ADAMTS2: variants seen among roughly 807,000 people sequenced by gnomAD.
The protein encoded by ADAMTS2 is A disintegrin and metalloproteinase with thrombospondin motifs 2.
A neutral mutation model predicts 123.0 loss-of-function variants in ADAMTS2; 50 were observed. That is an observed-to-expected ratio of 0.41 (90% CI 0.32 to 0.51). ADAMTS2 has a LOEUF of 0.51. ADAMTS2 is among the 20% of genes least tolerant of loss of function. ADAMTS2 has a pLI of 0.35. For missense variants in ADAMTS2, 1,494 were observed against 1,705.2 expected (o/e 0.88, Z 2.18); for synonymous variants, 678 against 695.4 (o/e 0.98, Z 0.39).
At chr5:179,331,721 C>G (rs576826009) in intron 2 of ADAMTS2, among the ~76,000 whole-genome samples, 1 of 152,250 alleles carries the variant, frequency 6.6e-6, no homozygotes, top group South Asian at 2.1e-4. Context: ...TTCTCCCTGT[C>G]GGCAGGGCTG....
intron 2 of ADAMTS2, among the ~76,000 whole-genome samples, chr5:179,311,653 T>C (rs1160262941): frequency 8.5e-5 from 13 of 152,218 alleles, no homozygotes; most frequent in Non-Finnish European, 1.8e-4. Flanking sequence ...CCTCTGGTGA[T>C]GTCTGGTCAC....
At position 179,230,541 on chromosome 5, in the gene ADAMTS2, G is replaced by C. The variant is rs74457566; in HGVS notation, c.689-22826C>G. ...AGGCACACAGAGACGGTGAGACTTG[G>C]GGATACTTGGGTCCAGTTACTGTCA... On this transcript the variant is annotated intron_variant, in intron 3 of 21. Coordinates refer to ENST00000251582, the MANE Select transcript of ADAMTS2 (RefSeq NM_014244.5). Among the ~76,000 whole-genome samples, 335 of 152,308 alleles carry C rather than the reference G, an allele frequency of 2.2e-3. 1 individual carries two copies. Among genetic ancestry groups the C allele is most frequent in the African/African-American group, 7.7e-3 (321 of 41,572 alleles).
In ADAMTS2 at chr5:179,118,107, C is replaced by T. The variant is rs576414203; in HGVS notation, c.3178+3554G>A. On this transcript the variant is annotated intron_variant, in intron 21 of 21. Coordinates refer to ENST00000251582, the MANE Select transcript of ADAMTS2 (RefSeq NM_014244.5). This position sits in a 1 kb window ranked among gnomAD's most constrained non-coding sequence, Gnocchi z 4.5. The stretch of plus-strand genomic sequence containing the variant: ...ACTTCTATGTCTGATTTTCTCCCCA[C>T]AGTGGGCGGCATTGCTCTTAGTTTA... Among the ~76,000 whole-genome samples, 13 of 152,292 alleles carry T rather than the reference C, an allele frequency of 8.5e-5. No individual in the cohort carries two copies. Among genetic ancestry groups the T allele is most frequent in the African/African-American group, 2.9e-4 (12 of 41,564 alleles).
chr5:179,249,717 G>A (rs1038726985), intron 3 of ADAMTS2, among the ~76,000 whole-genome samples: 23 of 152,128 alleles, frequency 1.5e-4, no homozygotes, highest in African/African-American at 5.1e-4. Flanking sequence ...TGGAAAATTT[G>A]TACAGATCTA....
intron 20 of ADAMTS2, among the ~76,000 whole-genome samples, chr5:179,122,331 C>CACCCCCCACTCACACAGGT (rs1762778022): frequency 1.3e-5 from 2 of 151,368 alleles, no homozygotes; most frequent in East Asian, 2.0e-4. Flanking sequence ...CTCGCACAGG[C>CACCCCCCACTCACACAGGT]GTCCCCCTAT....
Position 179,121,901 on chromosome 5 carries a change from T to A in ADAMTS2, c.3089-151A>T, listed in dbSNP as rs1348640248. On this transcript the variant is annotated intron_variant, in intron 20 of 21. Transcript: ENST00000251582. ...GGACAAAGGGTCCTCCGCTGCCAAG[T>A]CCACGCCCACCTCCTGCCCCTCCTG... The A allele has an allele frequency of 9.8e-6, 5 of 509,482 alleles. No homozygotes were observed. In the East Asian group the frequency reaches 1.3e-4, roughly 14 times the overall value. 31.6% of individuals were successfully genotyped at this position (509,482 alleles called of 1,614,324 possible).
chr5:179,240,702 C>T (rs1765644666), intron 3 of ADAMTS2, among the ~76,000 whole-genome samples: 1 of 152,244 alleles, frequency 6.6e-6, no homozygotes, highest in African/African-American at 2.4e-5. Context: ...AAATGAGTTC[C>T]CGTGACGCGT....
At position 179,162,648 on chromosome 5, in the gene ADAMTS2, C is replaced by A. The variant is rs1316718872; in HGVS notation, c.976-3769G>T. On this transcript the variant is annotated intron_variant, in intron 5 of 21. Transcript: ENST00000251582. The surrounding 1 kb of genome is among the most constrained non-coding windows in gnomAD (Gnocchi z 5.1). Reference sequence around the variant, plus strand: ...CCCAAGAGACAACAAGAGAAGGCACCTCCCCTACAGAAGCCACAGTCTGCT... The same window carrying A: ...CCCAAGAGACAACAAGAGAAGGCACATCCCCTACAGAAGCCACAGTCTGCT... 6.6e-6 allele frequency among the ~76,000 whole-genome samples: 1 copy of A among 152,192 alleles called. No individual in the cohort carries two copies. Among genetic ancestry groups the A allele is most frequent in the African/African-American group, 2.4e-5 (1 of 41,452 alleles).
In ADAMTS2 at chr5:179,231,110, C is replaced by T. The variant is rs541333291; in HGVS notation, c.689-23395G>A. On this transcript the variant is annotated intron_variant, in intron 3 of 21. Coordinates refer to ENST00000251582, the MANE Select transcript of ADAMTS2 (RefSeq NM_014244.5). ...AGTGTAATGGTACGCAGACCCCCTC[C>T]CCACATGCACACGCATTCTGAAATA... Among the ~76,000 whole-genome samples, 3 of 152,288 alleles carry T rather than the reference C, an allele frequency of 2.0e-5. No homozygotes were observed. In the South Asian group the frequency reaches 6.2e-4, roughly 32 times the overall value.
intron 2 of ADAMTS2, among the ~76,000 whole-genome samples, chr5:179,296,418 G>A (rs975573126): frequency 1.3e-5 from 2 of 152,174 alleles, no homozygotes; most frequent in Non-Finnish European, 1.5e-5. Context: ...GCAGAGGCCA[G>A]CAGTCAGGAA....
chr5:179,289,099 C>A (rs1756111283), intron 2 of ADAMTS2, among the ~76,000 whole-genome samples: 1 of 152,160 alleles, frequency 6.6e-6, no homozygotes, highest in African/African-American at 2.4e-5. Context: ...GTTCTGACTG[C>A]CACAGGACTG....
At chr5:179,241,119 C>A (rs936203201) in intron 3 of ADAMTS2, among the ~76,000 whole-genome samples, 1 of 152,176 alleles carries the variant, frequency 6.6e-6, no homozygotes, top group African/African-American at 2.4e-5. Context: ...TGCTGGAGAA[C>A]AATGATTCAA....
rs1268715583 is a variant in ADAMTS2 at position 179,345,006 on chromosome 5, G to A, written c.139+184C>T. Among the ~76,000 whole-genome samples, 1 of 151,834 alleles carries A rather than the reference G, an allele frequency of 6.6e-6. No homozygotes were observed. Among genetic ancestry groups the A allele is most frequent in the Non-Finnish European group, 1.5e-5 (1 of 67,910 alleles). Reference sequence around the variant, plus strand: ...GGCTCCCCCGGCCCAAGGCGCTCGGGGGCGGTGCGGGGCGCCCCCTGCGCG... The same window carrying A: ...GGCTCCCCCGGCCCAAGGCGCTCGGAGGCGGTGCGGGGCGCCCCCTGCGCG... On this transcript the variant is annotated intron_variant, in intron 1 of 21. Transcript: ENST00000251582. The surrounding 1 kb of genome is among the most constrained non-coding windows in gnomAD (Gnocchi z 7.5).
intron 12 of ADAMTS2, among the ~76,000 whole-genome samples, chr5:179,136,805 C>CTAA (rs1763074078): frequency 6.6e-6 from 1 of 150,976 alleles, no homozygotes; most frequent in African/African-American, 2.4e-5. Flanking sequence ...CCTGTCTCTA[C>CTAA]AAAAAATGCA....
intron 21 of ADAMTS2, 166 bp downstream of exon 21, chr5:179,121,495 G>A: frequency 3.8e-6 from 2 of 523,328 alleles, no homozygotes; most frequent in Non-Finnish European, 6.7e-6. Flanking sequence ...GCGGCCCGGA[G>A]CGGACGCCGA....
intron 2 of ADAMTS2, among the ~76,000 whole-genome samples, chr5:179,328,949 C>A (rs1186250095): frequency 2.0e-5 from 3 of 152,086 alleles, no homozygotes; most frequent in African/African-American, 7.2e-5. Context: ...TTTTTAAAAC[C>A]TCACGATGGT....
chr5:179,166,252 G>A (rs576241015), intron 5 of ADAMTS2, among the ~76,000 whole-genome samples: 1 of 152,306 alleles, frequency 6.6e-6, no homozygotes, highest in African/African-American at 2.4e-5. Context: ...AGCACCGGGA[G>A]CCTGGTCCCA....
In ADAMTS2 at chr5:179,115,929, CT is replaced by C. The variant is rs1762649864; in HGVS notation, c.3179-1606del. Among the ~76,000 whole-genome samples, 1 of 152,108 alleles carries C rather than the reference CT, an allele frequency of 6.6e-6. No homozygotes were observed. The highest frequency in any genetic ancestry group is 2.1e-4 in the South Asian group (1 of 4,818). The stretch of plus-strand genomic sequence containing the variant: ...GTGACAGACCACCAGCTCCAAACCC[CT>C]GAAGCTTCAGACTTGCTACAAGCCA... On this transcript the variant is annotated intron_variant, in intron 21 of 21. Coordinates refer to ENST00000251582, the MANE Select transcript of ADAMTS2 (RefSeq NM_014244.5). The surrounding 1 kb of genome is among the most constrained non-coding windows in gnomAD (Gnocchi z 4.4).
At chr5:179,222,124 G>T (rs1356218958) in intron 3 of ADAMTS2, among the ~76,000 whole-genome samples, 1 of 152,108 alleles carries the variant, frequency 6.6e-6, no homozygotes, top group East Asian at 1.9e-4. Context: ...AACTCCGTGG[G>T]TCCAGAAGCC....
Sources: allele counts gnomAD v4.1 joint callset (sites outside exome capture counted in the v4.1 genomes callset), GRCh38; gene constraint gnomAD v4.1.1; non-coding constraint Gnocchi (gnomAD v3.1); transcripts MANE v1.5; gene names NCBI Gene and HGNC (gene_info 2026-07-23, HGNC 2026-07-21).